Variants in SETX observed in about 807,000 individuals in gnomAD.
The protein encoded by SETX is helicase senataxin.
A neutral mutation model predicts 227.2 loss-of-function variants in SETX; 90 were observed. The ratio of observed to expected loss-of-function variants is 0.40; its 90% CI spans 0.33 to 0.47. The LOEUF (loss-of-function observed/expected upper bound fraction) is 0.47. Ranked by LOEUF, SETX falls within the 20% of genes least tolerant of loss-of-function variation. The probability of loss-of-function intolerance (pLI) is 0.91; values close to 1 mark genes in which losing one functional copy is unlikely to be tolerated. For synonymous variants in SETX, 1,210 were observed against 1,113.2 expected (o/e 1.09, Z -1.73); for missense variants, 3,052 against 3,181.5 (o/e 0.96, Z 0.98).
intron 24 of SETX, among the ~76,000 whole-genome samples, chr9:132,270,906 T>C (rs1842872297): frequency 6.6e-6 from 1 of 152,256 alleles, no homozygotes; most frequent in South Asian, 2.1e-4. Context: ...GAGATACAAC[T>C]GGGCTCTGTA....
In SETX at chr9:132,328,740, A is replaced by G. The variant is rs1159878355; in HGVS notation, c.2858T>C (p.Leu953Ser). Residue 953 changes from leucine to serine, a missense_variant, in exon 10 of 26, where the codon TTA (leucine) becomes TCA (serine). By Grantham distance (145) the Leu-to-Ser change is moderately radical (BLOSUM62 -2). Transcript: ENST00000224140. ...APDISPKSDT[L>S]TDSQIDRDLH... ...GTCTCTGTCTATCTGAGAATCCGTT[A>G]AGGTGTCAGATTTAGGACTGATGTC... The G allele has an allele frequency of 6.8e-6, 11 of 1,613,214 alleles. No individual in the cohort carries two copies. The highest frequency in any genetic ancestry group is 9.3e-6 in the Non-Finnish European group (11 of 1,179,710).
intron 18 of SETX, 132 bp downstream of exon 18, chr9:132,286,291 G>C (rs1843883223): frequency 1.5e-6 from 1 of 681,872 alleles, no homozygotes; most frequent in African/African-American, 1.8e-5. Flanking sequence ...CTGCACCCCA[G>C]CCTGAGAGAC....
chr9:132,279,851 C>CA (rs1491233960), intron 20 of SETX, among the ~76,000 whole-genome samples: 2 of 151,980 alleles, frequency 1.3e-5, no homozygotes, highest in Non-Finnish European at 2.9e-5. Flanking sequence ...GAGGATGTCC[C>CA]TGATTTACTG....
intron 10 of SETX, among the ~76,000 whole-genome samples, chr9:132,321,725 G>A (rs1407313237): frequency 1.4e-5 from 2 of 147,154 alleles, no homozygotes; most frequent in African/African-American, 5.1e-5. Flanking sequence ...GTGTGCACCT[G>A]TAGTCCCAGC....
chr9:132,279,668 A>G (rs576767634), intron 20 of SETX, among the ~76,000 whole-genome samples: 9 of 152,336 alleles, frequency 5.9e-5, no homozygotes, highest in African/African-American at 2.2e-4. Flanking sequence ...ATACATGCCA[A>G]TTTTCCCTAA....
chr9:132,317,258 A>AT (rs548792989), intron 10 of SETX, among the ~76,000 whole-genome samples: 19 of 151,814 alleles, frequency 1.3e-4, no homozygotes, highest in African/African-American at 4.1e-4. Flanking sequence ...GACACTACGT[A>AT]TTTTTTTGCA....
chr9:132,306,872 T>C (rs1321208404), intron 11 of SETX, among the ~76,000 whole-genome samples: 3 of 152,238 alleles, frequency 2.0e-5, no homozygotes, highest in Admixed American at 6.5e-5. Context: ...CAGGCCACTG[T>C]GCCCAGCTCT....
intron 11 of SETX, among the ~76,000 whole-genome samples, chr9:132,302,460 G>A (rs1845055570): frequency 6.6e-6 from 1 of 150,562 alleles, no homozygotes; most frequent in African/African-American, 2.4e-5. Context: ...AGGCGTTTGA[G>A]ACCAGCCTGG....
In SETX at chr9:132,283,242, GTA is replaced by G; in HGVS notation, c.6546+20_6546+21del. 12 of 1,613,466 alleles carry G rather than the reference GTA, an allele frequency of 7.4e-6. No individual in the cohort carries two copies. The highest frequency in any genetic ancestry group is 1.0e-5 in the Non-Finnish European group (12 of 1,179,698). ...ACTCCTCATAGTAGTAGTCAAAGTT[GTA>G]TGGCTGACCGTTCACTGACCTCATC... On this transcript the variant is annotated intron_variant, in intron 19 of 25. Coordinates refer to ENST00000224140, the MANE Select transcript of SETX (RefSeq NM_015046.7).
intron 6 of SETX, among the ~76,000 whole-genome samples, chr9:132,335,844 T>C (rs1192729162): frequency 6.6e-6 from 1 of 152,186 alleles, no homozygotes; most frequent in Admixed American, 6.5e-5. Context: ...TATGTAATAG[T>C]TAAGTCAACT....
chr9:132,334,650 AATC>A lies in SETX; in HGVS notation c.793_795del (p.Asp265del). The A allele has an allele frequency of 6.2e-7, 1 of 1,614,086 alleles. No individual in the cohort carries two copies. The highest frequency in any genetic ancestry group is 8.5e-7 in the Non-Finnish European group (1 of 1,179,980). On this transcript the variant is annotated inframe_deletion, in exon 7 of 26. Coordinates refer to ENST00000224140, the MANE Select transcript of SETX (RefSeq NM_015046.7). ...ATAGTGTGAAGTATCGATTGCATAA[AATC>A]ATTTTGTTTGTCTGAGCCCAACAAC...
intron 11 of SETX, among the ~76,000 whole-genome samples, chr9:132,308,017 C>G (rs778145608): frequency 1.9e-4 from 29 of 152,304 alleles, no homozygotes; most frequent in Non-Finnish European, 2.2e-4. Flanking sequence ...ACTGGTCAAG[C>G]AGCAAGTATT....
chr9:132,300,819 A>T lies in SETX; in HGVS notation c.5375-16T>A. On this transcript the variant is annotated splice_polypyrimidine_tract_variant and intron_variant, in intron 11 of 25. Coordinates refer to ENST00000224140, the MANE Select transcript of SETX (RefSeq NM_015046.7). Reference sequence around the variant, plus strand: ...TCCAGATAAACTATGAAACAAGAAGAAGTCGGAATTCATATAACTCTAATA... The same window carrying T: ...TCCAGATAAACTATGAAACAAGAAGTAGTCGGAATTCATATAACTCTAATA... 1 of 1,608,106 alleles carries T rather than the reference A, an allele frequency of 6.2e-7. No homozygotes were observed. The highest frequency in any genetic ancestry group is 1.1e-5 in the South Asian group (1 of 90,624).
intron 25 of SETX, chr9:132,269,367 T>C (rs1564468736): frequency 7.0e-7 from 1 of 1,431,434 alleles, no homozygotes. Flanking sequence ...TTAACAATAA[T>C]CCTATGATGT....
rs1478228638 is a variant in SETX at position 132,280,193 on chromosome 9, TC to T, written c.6654+1273del. On this transcript the variant is annotated intron_variant, in intron 20 of 25. Transcript: ENST00000224140. ...TGTAATTACCACTAGAAACAGGTGGTCAAAAAAGGCACCTTATGGAAATGAA... is the reference window on the plus strand; with the variant it reads ...TGTAATTACCACTAGAAACAGGTGGTAAAAAAGGCACCTTATGGAAATGAA... 2.6e-5 allele frequency among the ~76,000 whole-genome samples: 4 copies of T among 152,316 alleles called. No homozygotes were observed. In the East Asian group the frequency reaches 7.7e-4, roughly 29 times the overall value.
At chr9:132,285,010 G>C (rs1346422956) in intron 18 of SETX, among the ~76,000 whole-genome samples, 2 of 151,824 alleles carry the variant, frequency 1.3e-5, no homozygotes, top group Non-Finnish European at 2.9e-5. Flanking sequence ...TCCCGAGTAG[G>C]TGGGATTACA....
chr9:132,264,468 G>A lies in SETX; in HGVS notation c.7805C>T (p.Pro2602Leu). ...AVVAALSSHK[P>L]PVRGEPPAAS... The stretch of plus-strand genomic sequence containing the variant: ...AGCTGGAGGTTCGCCCCGCACGGGA[G>A]GTTTGTGGCTGCTCAGAGCAGCCAC... Residue 2602 changes from proline to leucine, a missense_variant, in exon 26 of 26, where the codon CCT becomes CTT. This residue lies in a region of SETX where 294 missense variants were observed against 278.8 expected (regional missense o/e 1.05). Transcript: ENST00000224140. 1.2e-6 allele frequency: 2 copies of A among 1,613,878 alleles called. No individual in the cohort carries two copies. Among genetic ancestry groups the A allele is most frequent in the African/African-American group, 1.3e-5 (1 of 75,020 alleles).
chr9:132,302,235 T>C (rs558929999), intron 11 of SETX, among the ~76,000 whole-genome samples: 56 of 150,758 alleles, frequency 3.7e-4, no homozygotes, highest in Non-Finnish European at 7.8e-4. Context: ...CAGGCATCTG[T>C]AGTCCCAGCT....
chr9:132,329,709 G>GA lies in SETX; in HGVS notation c.1888_1889insT (p.Thr630IlefsTer3). 6.2e-7 allele frequency: 1 copy of GA among 1,614,060 alleles called. No individual in the cohort carries two copies. Among genetic ancestry groups the GA allele is most frequent in the South Asian group, 1.1e-5 (1 of 91,072 alleles). On this transcript the variant is annotated frameshift_variant, in exon 10 of 26. Coordinates refer to ENST00000224140, the MANE Select transcript of SETX (RefSeq NM_015046.7). LOFTEE classifies it high-confidence loss of function. ...CAAACAATGCATATCTTTTCTAGACGTCTTCCCCATTTGTTCACTTTCTTC... is the reference window on the plus strand; with the variant it reads ...CAAACAATGCATATCTTTTCTAGACGATCTTCCCCATTTGTTCACTTTCTTC...
Sources: gnomAD v4.1 joint callset for allele counts (sites outside exome capture counted in the v4.1 genomes callset) on GRCh38, gnomAD v4.1.1 for gene constraint, gnomAD v4.1.1 regional missense constraint, MANE v1.5 for transcripts, NCBI Gene and HGNC (gene_info 2026-07-23, HGNC 2026-07-21) for gene names.